Variants in EIF4H observed in about 807,000 individuals in gnomAD.
The protein encoded by EIF4H is eukaryotic translation initiation factor 4H.
Under a neutral mutation model 30.6 loss-of-function variants are expected in EIF4H, and 8 were observed. The ratio of observed to expected loss-of-function variants is 0.26; its 90% CI spans 0.15 to 0.47. The LOEUF is 0.47. EIF4H is among the 20% of genes least tolerant of loss of function. EIF4H has a pLI of 0.99. For synonymous variants in EIF4H, 106 were observed against 122.7 expected (o/e 0.86, Z 0.90); for missense variants, 188 against 339.5 (o/e 0.55, Z 3.51).
At chr7:74,178,221 C>T (rs1800882921) in intron 1 of EIF4H, among the ~76,000 whole-genome samples, 1 of 152,154 alleles carries the variant, frequency 6.6e-6, no homozygotes, top group Non-Finnish European at 1.5e-5. Flanking sequence ...GTGTGAGCCA[C>T]AGTACCCAGC....
chr7:74,194,595 T>C, intron 5 of EIF4H, 146 bp from the exon 6 acceptor site: 5 of 1,206,776 alleles, frequency 4.1e-6, no homozygotes, highest in Non-Finnish European at 5.6e-6. Flanking sequence ...GACCCACTTT[T>C]AACACACTTT....
chr7:74,191,758 C>T (rs775622732), intron 5 of EIF4H, among the ~76,000 whole-genome samples: 69 of 152,156 alleles, frequency 4.5e-4, no homozygotes, highest in Non-Finnish European at 8.5e-4. Flanking sequence ...AGTTTGCTTC[C>T]TAGAAACCCA....
chr7:74,180,662 T>A (rs1800939603), intron 1 of EIF4H, among the ~76,000 whole-genome samples: 1 of 152,232 alleles, frequency 6.6e-6, no homozygotes, highest in Admixed American at 6.5e-5. Flanking sequence ...CTGGAGCCTA[T>A]GAAGAAGAAG....
Position 74,190,095 on chromosome 7 carries a change from GT to G in EIF4H, c.410-146del, listed in dbSNP as rs1801169921. On this transcript the variant is annotated intron_variant, in intron 4 of 6. Coordinates refer to ENST00000265753, the MANE Select transcript of EIF4H (RefSeq NM_022170.2). ...TGGCTGATGCTTCTGCAAGCCTGGC[GT>G]TTTTTGTTTTCTGTTGGAAGCAAAA... 1.1e-5 allele frequency: 12 copies of G among 1,122,154 alleles called. No individual in the cohort carries two copies. The East Asian group carries it at 2.6e-4, about 24-fold the overall frequency. The allele number at this position is 1,122,154 out of a possible 1,614,324, so 69.5% of individuals were successfully genotyped here. A position where few individuals can be genotyped will look rare whatever the true frequency, so the allele number is the denominator to read the frequency against.
At chr7:74,185,580 A>C (rs1431656671) in intron 1 of EIF4H, among the ~76,000 whole-genome samples, 7 of 150,178 alleles carry the variant, frequency 4.7e-5, no homozygotes, top group Non-Finnish European at 8.9e-5. Context: ...TTTTTTTTTT[A>C]ACCATCAAAG....
In EIF4H at chr7:74,174,381, C is replaced by T. The variant is rs782513673; in HGVS notation, c.-3C>T. 22 of 1,457,300 alleles carry T rather than the reference C, an allele frequency of 1.5e-5. No homozygotes were observed. The highest frequency in any genetic ancestry group is 2.1e-5 in the Admixed American group (1 of 48,304). The allele number at this position is 1,457,300 out of a possible 1,614,324, so 90.3% of individuals were successfully genotyped here. On this transcript the variant is annotated 5_prime_UTR_variant, in exon 1 of 7. Transcript: ENST00000265753. ...CTGGTTCCTCTCGGAGCGGAGACGG[C>T]AAATGGCGGACTTCGACACCTACGA...
intron 1 of EIF4H, among the ~76,000 whole-genome samples, chr7:74,184,680 G>A (rs756297589): frequency 6.6e-6 from 1 of 151,728 alleles, no homozygotes; most frequent in South Asian, 2.1e-4. Context: ...GTTGTTTTTT[G>A]TGCTTTTTTG....
chr7:74,190,384 G>A lies in EIF4H; in HGVS notation c.469+78G>A, dbSNP rs991877365. On this transcript the variant is annotated intron_variant, in intron 5 of 6. Transcript: ENST00000265753. Reference sequence around the variant, plus strand: ...GTTCTCTGTTTCTTACGAGTAGCCCGCCTGGCCGGACTACTTATTTAGTTC... The same window carrying A: ...GTTCTCTGTTTCTTACGAGTAGCCCACCTGGCCGGACTACTTATTTAGTTC... The A allele has an allele frequency of 7.7e-6, 11 of 1,424,736 alleles. No individual in the cohort carries two copies. In the African/African-American group the frequency reaches 1.1e-4, roughly 15 times the overall value. The allele number at this position is 1,424,736 out of a possible 1,614,324, so 88.3% of individuals were successfully genotyped here.
chr7:74,194,143 C>T (rs1276562037), intron 5 of EIF4H, among the ~76,000 whole-genome samples: 2 of 152,212 alleles, frequency 1.3e-5, no homozygotes, highest in Non-Finnish European at 2.9e-5. Context: ...AGGCGCTGTG[C>T]TCTCTGCTCA....
At chr7:74,182,299 A>G (rs1226508402) in intron 1 of EIF4H, among the ~76,000 whole-genome samples, 1 of 152,194 alleles carries the variant, frequency 6.6e-6, no homozygotes, top group Non-Finnish European at 1.5e-5. Context: ...TATAAATGGT[A>G]TTTATCAAAG....
intron 5 of EIF4H, among the ~76,000 whole-genome samples, chr7:74,193,102 A>G (rs1248893983): frequency 3.3e-5 from 5 of 152,154 alleles, no homozygotes; most frequent in African/African-American, 1.2e-4. Context: ...AGCCTGTTAG[A>G]AAGCTCATCC....
At chr7:74,194,700 G>T (rs781877162) in intron 5 of EIF4H, 41 bp from the exon 6 acceptor site, 9 of 1,527,460 alleles carry the variant, frequency 5.9e-6, no homozygotes, top group Non-Finnish European at 7.9e-6. Context: ...GCTTGGAGAC[G>T]ATAGTTTGAA....
chr7:74,191,573 G>A (rs1035617565), intron 5 of EIF4H, among the ~76,000 whole-genome samples: 18 of 152,104 alleles, frequency 1.2e-4, no homozygotes, highest in African/African-American at 4.1e-4. Context: ...ATTTGCGAGA[G>A]TAGATCTTTT....
At chr7:74,190,413 T>C (rs782817613) in intron 5 of EIF4H, 107 bp downstream of exon 5, 1 of 1,119,302 alleles carries the variant, frequency 8.9e-7, no homozygotes, top group Non-Finnish European at 1.3e-6. Flanking sequence ...TTAGTTCCTT[T>C]AACAAATACA....
chr7:74,195,340 G>T lies in EIF4H; in HGVS notation c.*32G>T, dbSNP rs782422377. ...GGTTGGGAGGGAATGGGGCGTGGGG[G>T]GTTAGAGCAGGACCACAGCCTGGTG... On this transcript the variant is annotated 3_prime_UTR_variant, in exon 7 of 7. Coordinates refer to ENST00000265753, the MANE Select transcript of EIF4H (RefSeq NM_022170.2). The T allele has an allele frequency of 5.0e-6, 8 of 1,599,046 alleles. No homozygotes were observed. The highest frequency in any genetic ancestry group is 1.1e-5 in the South Asian group (1 of 89,246).
At position 74,193,612 on chromosome 7, in the gene EIF4H, G is replaced by GT. The variant is rs10716716; in HGVS notation, c.470-1115dup. On this transcript the variant is annotated intron_variant, in intron 5 of 6. Coordinates refer to ENST00000265753, the MANE Select transcript of EIF4H (RefSeq NM_022170.2). ...ATTATGGTTTAACTTCTTTTCGCCA[G>GT]TTTTTTTTTTTTTTCCTTGAGACAG... Among the ~76,000 whole-genome samples the GT allele has an allele frequency of 5.0e-3, 715 of 144,440 alleles. 1 individual carries two copies. The highest frequency in any genetic ancestry group is 5.4e-3 in the Non-Finnish European group (352 of 65,446). 94.8% of individuals were successfully genotyped at this position (144,440 alleles called of 152,430 possible). A position where few individuals can be genotyped will look rare whatever the true frequency, so the allele number is the denominator to read the frequency against.
chr7:74,187,528 G>A (rs1563952006), intron 1 of EIF4H, 83 bp from the exon 2 acceptor site: 1 of 1,354,302 alleles, frequency 7.4e-7, no homozygotes, highest in Non-Finnish European at 9.8e-7. Context: ...GGCGCTGGCG[G>A]CGTAGCTCAG....
intron 1 of EIF4H, among the ~76,000 whole-genome samples, chr7:74,181,493 A>G (rs1800961303): frequency 6.6e-6 from 1 of 152,034 alleles, no homozygotes. Flanking sequence ...ATGCAGTGGC[A>G]CTATCTCGGC....
chr7:74,194,235 A>C (rs1257727887), intron 5 of EIF4H, among the ~76,000 whole-genome samples: 1 of 152,208 alleles, frequency 6.6e-6, no homozygotes, highest in Non-Finnish European at 1.5e-5. Context: ...AATGGCCCAC[A>C]CCTAAAACGC....
Sources: allele counts gnomAD v4.1 joint callset (sites outside exome capture counted in the v4.1 genomes callset), GRCh38; gene constraint gnomAD v4.1.1; transcripts MANE v1.5; gene names NCBI Gene and HGNC (gene_info 2026-07-23, HGNC 2026-07-21).